FRMD3: variants seen among roughly 807,000 people sequenced by gnomAD.
FRMD3 encodes the protein FERM domain-containing protein 3.
Under a neutral mutation model 70.2 loss-of-function variants are expected in FRMD3, and 33 were observed. The observed-to-expected ratio is 0.47, with a 90% CI of 0.36 to 0.63. The LOEUF (loss-of-function observed/expected upper bound fraction) is 0.63. Among genes scored for constraint, FRMD3 ranks in the 20% least tolerant of loss-of-function variants. The pLI is 0.00. For synonymous variants in FRMD3, 279 were observed against 255.9 expected (o/e 1.09, Z -0.86); for missense variants, 632 against 711.4 (o/e 0.89, Z 1.27).
intron 1 of FRMD3, among the ~76,000 whole-genome samples, chr9:83,461,615 G>A (rs1454312463): frequency 7.1e-6 from 1 of 140,620 alleles, no homozygotes; most frequent in Non-Finnish European, 1.5e-5. Context: ...ATTCAGGGAA[G>A]TTCAAGGCAT....
chr9:83,540,400 A>G (rs1829986288), upstream of FRMD3, among the ~76,000 whole-genome samples: 1 of 152,236 alleles, frequency 6.6e-6, no homozygotes, highest in Non-Finnish European at 1.5e-5. Context: ...ACCAACAAGG[A>G]CAGTAGTGAA....
intron 1 of FRMD3, among the ~76,000 whole-genome samples, chr9:83,392,298 T>G (rs1168293767): frequency 6.6e-6 from 1 of 152,048 alleles, no homozygotes; most frequent in Non-Finnish European, 1.5e-5. Flanking sequence ...CAGCTTACAG[T>G]CCCACATTCT....
the FRMD3 span, among the ~76,000 whole-genome samples, chr9:83,558,279 C>T: frequency 0.23 from 27,464 of 119,842 alleles, 2,656 homozygotes; most frequent in East Asian, 0.39. Flanking sequence ...TGTGTGTGTG[C>T]GCGCGCGCAC....
intron 1 of FRMD3, among the ~76,000 whole-genome samples, chr9:83,509,909 T>A (rs1367505164): frequency 2.0e-5 from 3 of 152,080 alleles, no homozygotes; most frequent in Non-Finnish European, 4.4e-5. Context: ...TTAAAAAAAA[T>A]AAGCTCGTGA....
intron 1 of FRMD3, among the ~76,000 whole-genome samples, chr9:83,498,141 G>A (rs1042729998): frequency 6.6e-5 from 10 of 151,198 alleles, no homozygotes; most frequent in Admixed American, 1.3e-4. Flanking sequence ...CTGCACTCTC[G>A]CCTGGAAGAC....
rs145124347 is a variant in FRMD3 at position 83,478,229 on chromosome 9, C to T, written c.147+59856G>A. 7.4e-4 allele frequency among the ~76,000 whole-genome samples: 113 copies of T among 152,298 alleles called. 1 individual carries two copies. Among genetic ancestry groups the T allele is most frequent in the Admixed American group, 1.3e-3 (20 of 15,306 alleles). On this transcript the variant is annotated intron_variant, in intron 1 of 13. Transcript: ENST00000304195. ...AATGGCTTGGAGACAGCCACCTAAC[C>T]ACAGTGTTCCTCCCATAAGAAGGGC...
In FRMD3 at chr9:83,248,283, T is replaced by C; in HGVS notation, c.1429A>G (p.Arg477Gly). The change falls in exon 14 of 14, where the codon AGA becomes GGA. Residue 477 changes from arginine (R) to glycine (G), a missense_variant. Transcript: ENST00000304195. ...FDCPSRLELEREDTDSFEDLE... is the reference protein window; with the variant it reads ...FDCPSRLELEGEDTDSFEDLE... ...TCCTCAAATGAATCTGTGTCTTCTC[T>C]TTCCAACTCAAGCCTAGAAGGACAG... 6.2e-7 allele frequency: 1 copy of C among 1,614,224 alleles called. No individual in the cohort carries two copies. Among genetic ancestry groups the C allele is most frequent in the Non-Finnish European group, 8.5e-7 (1 of 1,180,042 alleles).
rs183176770 is a variant in FRMD3, at chr9:83,471,844, C to T, written c.147+66241G>A. Among the ~76,000 whole-genome samples the T allele has an allele frequency of 1.4e-3, 212 of 152,296 alleles. 1 individual carries two copies. The highest frequency in any genetic ancestry group is 4.9e-3 in the African/African-American group (205 of 41,552). ...ATTCTCACCAGGGAGCTAGCAATGG[C>T]GTCCCACACTGGACTTGGAGTTGAT... is the stretch of plus-strand genomic sequence containing the variant. On this transcript the variant is annotated intron_variant, in intron 1 of 13. Transcript: ENST00000304195.
intron 1 of FRMD3, among the ~76,000 whole-genome samples, chr9:83,460,438 C>A (rs1827936753): frequency 6.6e-6 from 1 of 152,182 alleles, no homozygotes; most frequent in Non-Finnish European, 1.5e-5. Flanking sequence ...TTATTCAACA[C>A]ATACATTCAC....
intron 1 of FRMD3, among the ~76,000 whole-genome samples, chr9:83,453,377 AT>A (rs1311877739): frequency 6.6e-6 from 1 of 152,220 alleles, no homozygotes; most frequent in Non-Finnish European, 1.5e-5. Context: ...ATTAAAAAAA[AT>A]CTAACATAGA....
At chr9:83,279,312 TA>T (rs753882111) in intron 13 of FRMD3, 1 of 152,224 alleles carries the variant, frequency 6.6e-6, no homozygotes, top group Non-Finnish European at 1.5e-5. Context: ...TTTTCAATTT[TA>T]TGCTAGAAAT....
intron 10 of FRMD3, among the ~76,000 whole-genome samples, chr9:83,302,518 T>A (rs1041006084): frequency 2.0e-5 from 3 of 152,230 alleles, no homozygotes; most frequent in African/African-American, 7.2e-5. Flanking sequence ...CATAGTACTC[T>A]CAGGAGGGTT....
Position 83,247,269 on chromosome 9 carries a change from G to T in FRMD3, c.*649C>A. 1.0e-6 allele frequency: 1 copy of T among 984,750 alleles called. No homozygotes were observed. Among genetic ancestry groups the T allele is most frequent in the South Asian group, 4.7e-5 (1 of 21,264 alleles). The allele number at this position is 984,750 out of a possible 1,614,324, so 61.0% of individuals were successfully genotyped here. A position where few individuals can be genotyped will look rare whatever the true frequency, so the allele number is the denominator to read the frequency against. On this transcript the variant is annotated 3_prime_UTR_variant, in exon 14 of 14. Coordinates refer to ENST00000304195, the MANE Select transcript of FRMD3 (RefSeq NM_174938.6). ...GCAGATCATAACAAATTATGGTATT[G>T]TTCAGCCAAAAATATTTTTAAAAAC...
At chr9:83,461,082 C>T (rs1372896655) in intron 1 of FRMD3, among the ~76,000 whole-genome samples, 2 of 152,134 alleles carry the variant, frequency 1.3e-5, no homozygotes, top group Non-Finnish European at 1.5e-5. Context: ...ATCCTTATCC[C>T]TGCAACTCAT....
chr9:83,375,671 A>T (rs1471723783), intron 2 of FRMD3, among the ~76,000 whole-genome samples: 1 of 152,218 alleles, frequency 6.6e-6, no homozygotes, highest in African/African-American at 2.4e-5. Flanking sequence ...TAATGATGAG[A>T]ATACATGGGC....
chr9:83,253,450 C>T (rs1241642594), intron 13 of FRMD3, among the ~76,000 whole-genome samples: 1 of 152,054 alleles, frequency 6.6e-6, no homozygotes, highest in East Asian at 1.9e-4. Flanking sequence ...AAAAAGTGGG[C>T]AAAAGATATG....
intron 13 of FRMD3, among the ~76,000 whole-genome samples, chr9:83,285,367 A>G (rs562053973): frequency 6.6e-6 from 1 of 152,322 alleles, no homozygotes; most frequent in Non-Finnish European, 1.5e-5. Context: ...TCTCGATCAT[A>G]TGCAAAAGCA....
the FRMD3 span, among the ~76,000 whole-genome samples, chr9:83,557,879 C>T: frequency 1.1e-4 from 16 of 152,300 alleles, no homozygotes; most frequent in East Asian, 3.1e-3. Context: ...ATTCAAGTAA[C>T]ACATGTTGTT....
At chr9:83,263,123 G>A (rs1167890978) in intron 13 of FRMD3, among the ~76,000 whole-genome samples, 1 of 152,202 alleles carries the variant, frequency 6.6e-6, no homozygotes, top group East Asian at 1.9e-4. Flanking sequence ...ACTGGCAGCC[G>A]TCCTATGGTG....
Sources: allele counts gnomAD v4.1 joint callset (sites outside exome capture counted in the v4.1 genomes callset), GRCh38; gene constraint gnomAD v4.1.1; transcripts MANE v1.5; gene names NCBI Gene and HGNC (gene_info 2026-07-23, HGNC 2026-07-21).